Variants in AGO3 observed in about 807,000 individuals in gnomAD.
AGO3 encodes argonaute RISC catalytic component 3, also known as protein argonaute-3.
Under a neutral mutation model 105.5 loss-of-function variants are expected in AGO3, and 16 were observed. The observed-to-expected ratio is 0.15, with a 90% CI of 0.10 to 0.23. The LOEUF (loss-of-function observed/expected upper bound fraction) is 0.23, where lower values mean the gene tolerates loss of function less well. Ranked by LOEUF, AGO3 falls within the 10% of genes least tolerant of loss-of-function variation. AGO3 has a pLI of 1.00. For synonymous variants in AGO3, 340 were observed against 367.3 expected (o/e 0.93, Z 0.85); for missense variants, 534 against 1,088.0 (o/e 0.49, Z 7.16).
At chr1:35,964,892 T>G (rs1646744858) in intron 2 of AGO3, among the ~76,000 whole-genome samples, 1 of 152,214 alleles carries the variant, frequency 6.6e-6, no homozygotes, top group South Asian at 2.1e-4. Context: ...ATTGAGCATT[T>G]TTTCATATGC....
intron 3 of AGO3, among the ~76,000 whole-genome samples, chr1:35,968,388 T>C (rs1646810873): frequency 6.6e-6 from 1 of 152,184 alleles, no homozygotes; most frequent in African/African-American, 2.4e-5. Context: ...CCCAGAATTG[T>C]CTTTATCTTT....
intron 5 of AGO3, chr1:35,983,165 A>G (rs1022480232): frequency 6.6e-6 from 1 of 152,348 alleles, no homozygotes; most frequent in Non-Finnish European, 1.5e-5. Context: ...AATCTCCATT[A>G]CTTAAAGTCA....
chr1:36,034,087 G>T, intron 12 of AGO3, 87 bp from the exon 13 acceptor site: 1 of 1,296,408 alleles, frequency 7.7e-7, no homozygotes, highest in Non-Finnish European at 1.0e-6. Context: ...TGGATTTTAA[G>T]GGGGAAACAT....
intron 5 of AGO3, among the ~76,000 whole-genome samples, chr1:35,980,562 A>G (rs2148783000): frequency 6.6e-6 from 1 of 152,300 alleles, no homozygotes; most frequent in South Asian, 2.1e-4. Flanking sequence ...TCATATGAAT[A>G]AGGCCTGAGT....
Position 36,055,984 on chromosome 1 carries a change from A to G in AGO3, c.*239A>G, listed in dbSNP as rs181505762. ...GCTTTTTGTGCGGTCTCCTATAGGA[A>G]GTATCGCAATTGTTTTGTTTTCATT... On this transcript the variant is annotated 3_prime_UTR_variant, in exon 19 of 19. Coordinates refer to ENST00000373191, the MANE Select transcript of AGO3 (RefSeq NM_024852.4). This position sits in a 1 kb window ranked among gnomAD's most constrained non-coding sequence, Gnocchi z 4.4. The G allele has an allele frequency of 3.6e-3, 1,283 of 360,542 alleles. 5 individuals carry two copies. Among genetic ancestry groups the G allele is most frequent in the Non-Finnish European group, 4.9e-3 (983 of 199,504 alleles). 22.3% of individuals were successfully genotyped at this position (360,542 alleles called of 1,614,324 possible). A position where few individuals can be genotyped will look rare whatever the true frequency, so the allele number is the denominator to read the frequency against.
intron 2 of AGO3, among the ~76,000 whole-genome samples, chr1:35,955,087 G>A (rs139209430): frequency 1.2e-4 from 18 of 152,342 alleles, no homozygotes; most frequent in African/African-American, 4.3e-4. Context: ...GTTAGCTAGG[G>A]AGTAGGTTAT....
chr1:36,003,709 A>AAAAAATATATAT (rs1295618675), intron 5 of AGO3, among the ~76,000 whole-genome samples: 26 of 99,430 alleles, frequency 2.6e-4, no homozygotes, highest in Non-Finnish European at 4.1e-4. Flanking sequence ...AAAAAAAAAA[A>AAAAAATATATAT]ATATATATAT....
intron 13 of AGO3, among the ~76,000 whole-genome samples, chr1:36,034,618 G>A (rs764406467): frequency 5.3e-4 from 80 of 152,148 alleles, no homozygotes; most frequent in Non-Finnish European, 6.2e-4. Context: ...CACTCCAGAG[G>A]GTGGGAGCAG....
intron 6 of AGO3, chr1:36,005,994 T>G: frequency 2.8e-6 from 2 of 719,422 alleles, no homozygotes; most frequent in African/African-American, 1.9e-5. Flanking sequence ...TGCTAGCACC[T>G]AGATTTTGGT....
At chr1:36,038,506 C>G (rs997226858) in intron 14 of AGO3, among the ~76,000 whole-genome samples, 1 of 152,046 alleles carries the variant, frequency 6.6e-6, no homozygotes, top group African/African-American at 2.4e-5. Context: ...TCGCCCACCT[C>G]GGCCTCCCAA....
rs755046844 is a variant in AGO3 at position 35,953,527 on chromosome 1, AT to A, written c.191+7680del. Among the ~76,000 whole-genome samples the A allele has an allele frequency of 4.8e-3, 678 of 140,714 alleles. 1 individual carries two copies. Among genetic ancestry groups the A allele is most frequent in the Non-Finnish European group, 5.1e-3 (328 of 64,078 alleles). 92.3% of individuals were successfully genotyped at this position (140,714 alleles called of 152,430 possible). On this transcript the variant is annotated intron_variant, in intron 2 of 18. Transcript: ENST00000373191. ...AAATGTCTATTTAGGTCCTTTGCTA[AT>A]TTTTTTTTTTTTTTTGAGACAGAGT...
intron 11 of AGO3, among the ~76,000 whole-genome samples, chr1:36,022,484 C>G (rs1168351173): frequency 1.3e-5 from 2 of 152,108 alleles, no homozygotes; most frequent in Non-Finnish European, 2.9e-5. Flanking sequence ...AGGGTCCTAA[C>G]ATTTATGAGT....
At chr1:35,946,414 C>T (rs1435684760) in intron 2 of AGO3, among the ~76,000 whole-genome samples, 1 of 152,046 alleles carries the variant, frequency 6.6e-6, no homozygotes, top group Non-Finnish European at 1.5e-5. Flanking sequence ...CATTTATATT[C>T]TTGGATGTGG....
chr1:35,938,020 G>A (rs1267296044), intron 1 of AGO3, among the ~76,000 whole-genome samples: 4 of 139,482 alleles, frequency 2.9e-5, no homozygotes, highest in African/African-American at 1.1e-4. Flanking sequence ...TTGCTCTGTC[G>A]CCCAGGCTGG....
At position 36,008,349 on chromosome 1, in the gene AGO3, C is replaced by G. The variant is rs1640431235; in HGVS notation, c.794-341C>G. Among the ~76,000 whole-genome samples, 1 of 152,142 alleles carries G rather than the reference C, an allele frequency of 6.6e-6. No homozygotes were observed. The highest frequency in any genetic ancestry group is 6.5e-5 in the Admixed American group (1 of 15,280). ...TATTGGATCTCCTCTTTCATTCCTC[C>G]TTCCCTCTCCCAGCATAAATACCTG... On this transcript the variant is annotated intron_variant, in intron 6 of 18. Transcript: ENST00000373191. The surrounding 1 kb of genome is among the most constrained non-coding windows in gnomAD (Gnocchi z 5.1).
chr1:36,046,166 C>T (rs1171334946), intron 17 of AGO3, among the ~76,000 whole-genome samples: 2 of 152,160 alleles, frequency 1.3e-5, no homozygotes, highest in Non-Finnish European at 2.9e-5. Flanking sequence ...CCCTCCCAAC[C>T]CGAGAAAAGG....
At chr1:36,023,603 A>G (rs1201951575) in intron 11 of AGO3, among the ~76,000 whole-genome samples, 7 of 152,254 alleles carry the variant, frequency 4.6e-5, no homozygotes, top group Admixed American at 4.6e-4. Context: ...CATGGTTTCA[A>G]CAGTTGGCTG....
chr1:35,982,894 A>AG, intron 5 of AGO3: 1 of 413,132 alleles, frequency 2.4e-6, no homozygotes, highest in East Asian at 3.7e-5. Flanking sequence ...CAAATAAACT[A>AG]CAAGCCTGGC....
At chr1:36,002,180 C>G (rs1425430208) in intron 5 of AGO3, among the ~76,000 whole-genome samples, 1 of 150,994 alleles carries the variant, frequency 6.6e-6, no homozygotes, top group East Asian at 1.9e-4. Context: ...CCACCACACA[C>G]AGCTAATTTT....
Sources: allele counts gnomAD v4.1 joint callset (sites outside exome capture counted in the v4.1 genomes callset), GRCh38; gene constraint gnomAD v4.1.1; non-coding constraint Gnocchi (gnomAD v3.1); transcripts MANE v1.5; gene names NCBI Gene and HGNC (gene_info 2026-07-23, HGNC 2026-07-21).